Variants in LRRFIP2 observed in about 807,000 individuals in gnomAD.
LRRFIP2 encodes leucine-rich repeat flightless-interacting protein 2.
In LRRFIP2, 109 loss-of-function variants were observed where a neutral mutation model predicts 125.9. The ratio of observed to expected loss-of-function variants is 0.87; its 90% CI spans 0.74 to 1.01. The LOEUF (loss-of-function observed/expected upper bound fraction) is 1.01, where lower values mean the gene tolerates loss of function less well. LRRFIP2 is among the 50% of genes least tolerant of loss of function. The pLI, the probability that LRRFIP2 is intolerant of heterozygous loss-of-function variation, is 0.00. For synonymous variants in LRRFIP2, 291 were observed against 293.1 expected (o/e 0.99, Z 0.07); for missense variants, 850 against 862.3 (o/e 0.99, Z 0.18).
At position 37,053,720 on chromosome 3, in the gene LRRFIP2, T is replaced by C; in HGVS notation, c.*131A>G. ...AATGACTTCATTCTGTCATAAATTATAAAATACAAAGGTGGCTGTTTTAAT... is the reference window on the plus strand; with the variant it reads ...AATGACTTCATTCTGTCATAAATTACAAAATACAAAGGTGGCTGTTTTAAT... On this transcript the variant is annotated 3_prime_UTR_variant, in exon 28 of 28. Transcript: ENST00000336686. 1.6e-6 allele frequency: 1 copy of C among 626,542 alleles called. No homozygotes were observed. Among genetic ancestry groups the C allele is most frequent in the Non-Finnish European group, 2.9e-6 (1 of 344,354 alleles). 38.8% of individuals were successfully genotyped at this position (626,542 alleles called of 1,614,324 possible). A position where few individuals can be genotyped will look rare whatever the true frequency, so the allele number is the denominator to read the frequency against.
chr3:37,131,789 A>G (rs190324020), intron 2 of LRRFIP2, among the ~76,000 whole-genome samples: 1 of 152,334 alleles, frequency 6.6e-6, no homozygotes, highest in East Asian at 1.9e-4. Flanking sequence ...TGAAGAATAC[A>G]GAGACACAAT....
intron 6 of LRRFIP2, among the ~76,000 whole-genome samples, chr3:37,115,752 G>GT (rs1398751757): frequency 6.6e-6 from 1 of 152,094 alleles, no homozygotes; most frequent in African/African-American, 2.4e-5. Flanking sequence ...TACAAAACTC[G>GT]TAAGACCAGA....
At chr3:37,110,936 T>A in intron 9 of LRRFIP2, 55 bp downstream of exon 9, 1 of 1,525,740 alleles carries the variant, frequency 6.6e-7, no homozygotes, top group Non-Finnish European at 9.1e-7. Flanking sequence ...ATGGGGAGAT[T>A]AGAAATATGT....
rs138236477 is a variant in LRRFIP2, at chr3:37,079,967, A to C, written c.1278+3669T>G. Among the ~76,000 whole-genome samples the C allele has an allele frequency of 4.2e-3, 640 of 152,294 alleles. 4 individuals are homozygous for C. The highest frequency in any genetic ancestry group is 0.015 in the African/African-American group (606 of 41,570). On this transcript the variant is annotated intron_variant, in intron 19 of 27. Coordinates refer to ENST00000336686, the MANE Select transcript of LRRFIP2 (RefSeq NM_006309.4). ...CTAAAGGGTATATGGTTTCTTTCTG[A>C]GGTAATGAAAACATACTAAAAGTAA...
intron 18 of LRRFIP2, 123 bp from the exon 19 acceptor site, chr3:37,083,929 T>C: frequency 1.5e-6 from 1 of 684,738 alleles, no homozygotes; most frequent in South Asian, 2.1e-5. Flanking sequence ...TACAAGCGGT[T>C]TGGGGAACTC....
chr3:37,129,357 G>A (rs968554535), intron 2 of LRRFIP2, among the ~76,000 whole-genome samples: 5 of 152,028 alleles, frequency 3.3e-5, no homozygotes, highest in Admixed American at 2.6e-4. Context: ...CCTCAAATCC[G>A]GGCCTTTACC....
At chr3:37,159,608 G>A (rs1397133115) in intron 1 of LRRFIP2, among the ~76,000 whole-genome samples, 2 of 151,986 alleles carry the variant, frequency 1.3e-5, no homozygotes, top group African/African-American at 4.8e-5. Flanking sequence ...CCTGACTCAA[G>A]CAATTCTCCT....
At chr3:37,142,216 C>T (rs1271124515) in intron 2 of LRRFIP2, among the ~76,000 whole-genome samples, 9 of 148,836 alleles carry the variant, frequency 6.0e-5, no homozygotes, top group African/African-American at 2.2e-4. Flanking sequence ...CAGCTCATCA[C>T]AGCCTCAACC....
In LRRFIP2 at chr3:37,165,085, A is replaced by G. The variant is rs1309506353; in HGVS notation, c.-56+9454T>C. ...CCCATCTCTACTAAAAATACAAAAA[A>G]TTAGCCAGGCGTGGTGGTGAGCGCC... is the stretch of plus-strand genomic sequence containing the variant. On this transcript the variant is annotated intron_variant, in intron 1 of 27. Transcript: ENST00000336686. Among the ~76,000 whole-genome samples the G allele has an allele frequency of 3.9e-5, 6 of 152,118 alleles. No individual in the cohort carries two copies. The East Asian group carries it at 1.2e-3, about 30-fold the overall frequency.
chr3:37,065,918 C>T lies in LRRFIP2; in HGVS notation c.1591G>A (p.Asp531Asn), dbSNP rs763032654. Reference sequence around the variant, plus strand: ...CTGACATCACCATTGGGAGTGCCATCGGGGATTATAACTAAGCCATGTTTC... The same window carrying T: ...CTGACATCACCATTGGGAGTGCCATTGGGGATTATAACTAAGCCATGTTTC... ...GEKHGLVIIPDGTPNGDVSHE... is the reference protein window; with the variant it reads ...GEKHGLVIIPNGTPNGDVSHE... Residue 531 changes from aspartate (D) to asparagine (N), a missense_variant, in exon 23 of 28, where the codon GAT becomes AAT. Physicochemically the swap from Asp to Asn is conservative, Grantham distance 23. Transcript: ENST00000336686. The T allele has an allele frequency of 1.2e-6, 2 of 1,614,090 alleles. No homozygotes were observed. Among genetic ancestry groups the T allele is most frequent in the South Asian group, 2.2e-5 (2 of 91,078 alleles).
intron 6 of LRRFIP2, among the ~76,000 whole-genome samples, chr3:37,121,065 T>C (rs1241162279): frequency 6.6e-6 from 1 of 152,196 alleles, no homozygotes; most frequent in Non-Finnish European, 1.5e-5. Flanking sequence ...TTCAAATCAG[T>C]TGTTCAAATT....
At chr3:37,132,564 A>G (rs1414800307) in intron 2 of LRRFIP2, among the ~76,000 whole-genome samples, 1 of 152,224 alleles carries the variant, frequency 6.6e-6, no homozygotes, top group Non-Finnish European at 1.5e-5. Context: ...TGTGTTGAAG[A>G]GAGGCCATTA....
chr3:37,131,610 T>C (rs1460184268), intron 2 of LRRFIP2, among the ~76,000 whole-genome samples: 4 of 152,244 alleles, frequency 2.6e-5, no homozygotes, highest in African/African-American at 7.2e-5. Flanking sequence ...CTATCCCCTC[T>C]GATAACTATA....
chr3:37,107,994 T>C, intron 13 of LRRFIP2, 79 bp downstream of exon 13: 1 of 1,187,000 alleles, frequency 8.4e-7, no homozygotes, highest in Non-Finnish European at 1.2e-6. Flanking sequence ...CACCATATCC[T>C]CAATATTCTA....
chr3:37,065,718 T>C (rs1476141977), intron 23 of LRRFIP2, 92 bp downstream of exon 23: 10 of 1,507,044 alleles, frequency 6.6e-6, no homozygotes, highest in South Asian at 1.1e-5. Flanking sequence ...TCAGCCCTTA[T>C]GCTGTTTTTG....
intron 19 of LRRFIP2, among the ~76,000 whole-genome samples, chr3:37,081,058 A>T (rs2092599804): frequency 6.6e-6 from 1 of 152,140 alleles, no homozygotes; most frequent in African/African-American, 2.4e-5. Flanking sequence ...TCAAAGAAGG[A>T]GGATTGGGCA....
rs766785811 is a variant in LRRFIP2, at chr3:37,158,139, T to TA, written c.-55-9102dup. Among the ~76,000 whole-genome samples the TA allele has an allele frequency of 4.6e-5, 7 of 152,210 alleles. No homozygotes were observed. The South Asian group carries it at 1.4e-3, about 31-fold the overall frequency. On this transcript the variant is annotated intron_variant, in intron 1 of 27. Coordinates refer to ENST00000336686, the MANE Select transcript of LRRFIP2 (RefSeq NM_006309.4). ...CAGAACCCAAATTAGGAAGATAGAC[T>TA]AAACAATTCACTTATCCGTATTTTC... is the stretch of plus-strand genomic sequence containing the variant.
intron 21 of LRRFIP2, among the ~76,000 whole-genome samples, chr3:37,071,767 C>T (rs2148872771): frequency 6.6e-6 from 1 of 152,276 alleles, no homozygotes. Flanking sequence ...TCTGCCCTTC[C>T]CTGACAAGGT....
rs1173713204 is a variant in LRRFIP2 at position 37,149,001 on chromosome 3, C to A, written c.-18G>T. 1 of 1,612,828 alleles carries A rather than the reference C, an allele frequency of 6.2e-7. No individual in the cohort carries two copies. The highest frequency in any genetic ancestry group is 8.5e-7 in the Non-Finnish European group (1 of 1,179,592). ...GTCCCCATCTTGTGTTCTTAATAGT[C>A]TTTTAACTTTGAAAGTGATTTAACT... is the stretch of plus-strand genomic sequence containing the variant. On this transcript the variant is annotated 5_prime_UTR_variant, in exon 2 of 28. Coordinates refer to ENST00000336686, the MANE Select transcript of LRRFIP2 (RefSeq NM_006309.4).
Sources: allele counts gnomAD v4.1 joint callset (sites outside exome capture counted in the v4.1 genomes callset), GRCh38; gene constraint gnomAD v4.1.1; transcripts MANE v1.5; gene names NCBI Gene and HGNC (gene_info 2026-07-23, HGNC 2026-07-21).